The following BCAS1 variants were observed in gnomAD, a reference collection of about 807,000 sequenced individuals.
BCAS1 encodes breast carcinoma-amplified sequence 1.
Under a neutral mutation model 65.4 loss-of-function variants are expected in BCAS1, and 46 were observed. That is an observed-to-expected ratio of 0.70 (90% CI 0.55 to 0.90). The LOEUF is 0.90. Ranked by LOEUF, BCAS1 falls within the 40% of genes least tolerant of loss-of-function variation. The pLI is 0.00. For missense variants in BCAS1, 793 were observed against 771.2 expected (o/e 1.03, Z -0.33); for synonymous variants, 298 against 293.5 (o/e 1.02, Z -0.16).
At chr20:54,001,132 G>C (rs554307172) in intron 4 of BCAS1, among the ~76,000 whole-genome samples, 1 of 152,234 alleles carries the variant, frequency 6.6e-6, no homozygotes, top group East Asian at 1.9e-4. Context: ...AAATCAGTTT[G>C]ATCCTTTTAG....
Position 54,012,701 on chromosome 20 carries a change from T to C in BCAS1, c.723+15691A>G, listed in dbSNP as rs1801665519. ...ACCGTAAAAATGATCAGCCTTTATG[T>C]GTCAGGCCCAGTGCTAAGCTTGTTA... On this transcript the variant is annotated intron_variant, in intron 4 of 12. Transcript: ENST00000688948. 2.0e-5 allele frequency among the ~76,000 whole-genome samples: 3 copies of C among 152,236 alleles called. No homozygotes were observed. The South Asian group carries it at 6.2e-4, about 32-fold the overall frequency.
At position 53,985,330 on chromosome 20, in the gene BCAS1, G is replaced by C; in HGVS notation, c.1232C>G (p.Ser411Ter). 6.2e-7 allele frequency: 1 copy of C among 1,613,974 alleles called. No homozygotes were observed. Among genetic ancestry groups the C allele is most frequent in the Non-Finnish European group, 8.5e-7 (1 of 1,179,960 alleles). The change falls in exon 8 of 13, where the codon TCA (serine) becomes TGA (stop). Residue 411 changes from serine to a stop codon, truncating the protein, a stop_gained. Coordinates refer to ENST00000688948, the MANE Select transcript of BCAS1 (RefSeq NM_001366298.2). LOFTEE classifies it high-confidence loss of function. ...GCCCAGAGGCAGAGAGGTGGGTCCT[G>C]ATTTCTCCTTGGTGCCTTCCTTCGC... is the stretch of plus-strand genomic sequence containing the variant. ...EPAKEGTKEK[S>*]GPTSLPLGKL...
chr20:53,960,689 TTTCCTTCCTTCC>T (rs901010537), intron 10 of BCAS1, among the ~76,000 whole-genome samples: 1 of 151,810 alleles, frequency 6.6e-6, no homozygotes, highest in Non-Finnish European at 1.5e-5. Flanking sequence ...TCCTTCCTTC[TTTCCTTCCTTCC>T]TTCCTCTCGT....
At chr20:54,067,290 C>T (rs965597609) in intron 1 of BCAS1, among the ~76,000 whole-genome samples, 10 of 152,242 alleles carry the variant, frequency 6.6e-5, no homozygotes, top group Admixed American at 4.6e-4. Context: ...GCAGGAGAAT[C>T]GCTTGAACCC....
intron 3 of BCAS1, 62 bp from the exon 4 acceptor site, chr20:54,029,034 T>C: frequency 6.6e-7 from 1 of 1,525,462 alleles, no homozygotes; most frequent in Non-Finnish European, 8.8e-7. Context: ...GCACTAATAA[T>C]GGACTCCAGA....
At position 54,067,196 on chromosome 20, in the gene BCAS1, G is replaced by A. The variant is rs552619063; in HGVS notation, c.-6+3237C>T. ...TTGAGACCATCCTGGCCAACATGGC[G>A]CAACCCTGTCTCTACTAAAAATACA... On this transcript the variant is annotated intron_variant, in intron 1 of 12. Transcript: ENST00000688948. 5.3e-5 allele frequency among the ~76,000 whole-genome samples: 8 copies of A among 152,224 alleles called. No individual in the cohort carries two copies. In the South Asian group the frequency reaches 1.5e-3, roughly 28 times the overall value.
intron 4 of BCAS1, among the ~76,000 whole-genome samples, chr20:53,997,016 C>T (rs1292975741): frequency 6.6e-6 from 1 of 152,186 alleles, no homozygotes; most frequent in Non-Finnish European, 1.5e-5. Context: ...TAGGTAATTT[C>T]CATCCATCCT....
At chr20:54,034,250 C>G (rs2091856415) in intron 3 of BCAS1, among the ~76,000 whole-genome samples, 1 of 151,304 alleles carries the variant, frequency 6.6e-6, no homozygotes, top group African/African-American at 2.4e-5. Context: ...TCTCACCACT[C>G]CTATTCAACA....
chr20:54,025,970 G>A (rs1287868214), intron 4 of BCAS1, among the ~76,000 whole-genome samples: 1 of 152,170 alleles, frequency 6.6e-6, no homozygotes, highest in Non-Finnish European at 1.5e-5. Context: ...ATATCCATAA[G>A]TTCACAGGCT....
At chr20:54,062,256 G>C (rs1383425895) in intron 1 of BCAS1, among the ~76,000 whole-genome samples, 1 of 152,194 alleles carries the variant, frequency 6.6e-6, no homozygotes, top group Non-Finnish European at 1.5e-5. Flanking sequence ...AGAAATGATA[G>C]AGTAATAACA....
chr20:54,020,153 G>A (rs1356691471), intron 4 of BCAS1, among the ~76,000 whole-genome samples: 3 of 152,056 alleles, frequency 2.0e-5, no homozygotes, highest in African/African-American at 7.3e-5. Flanking sequence ...AAGTGTGTGG[G>A]CATCGGTGAC....
chr20:53,951,864 A>C (rs2089537561), intron 12 of BCAS1, among the ~76,000 whole-genome samples: 1 of 152,246 alleles, frequency 6.6e-6, no homozygotes, highest in Non-Finnish European at 1.5e-5. Context: ...CAGAAAGAAG[A>C]AGCTAATAAG....
At position 53,953,579 on chromosome 20, in the gene BCAS1, C is replaced by T; in HGVS notation, c.1668G>A (p.Lys556=). 6.2e-7 allele frequency: 1 copy of T among 1,613,896 alleles called. No homozygotes were observed. Among genetic ancestry groups the T allele is most frequent in the South Asian group, 1.1e-5 (1 of 91,056 alleles). Reference sequence around the variant, plus strand: ...TGGCTTCCTGCTTGTTGCTCTTCTGCTTGTTCATCTCGGCTGCTGACTTCT... The same window carrying T: ...TGGCTTCCTGCTTGTTGCTCTTCTGTTTGTTCATCTCGGCTGCTGACTTCT... ...KDKKSAAEMN[K]QKSNKQEAKE... is the part of the protein sequence containing the mutation. Residue 556 remains lysine (K), a synonymous_variant, in exon 12 of 13, where the codon AAG becomes AAA. Coordinates refer to ENST00000688948, the MANE Select transcript of BCAS1 (RefSeq NM_001366298.2).
chr20:53,961,547 G>C (rs1354545971), intron 10 of BCAS1, among the ~76,000 whole-genome samples: 1 of 152,230 alleles, frequency 6.6e-6, no homozygotes, highest in African/African-American at 2.4e-5. Context: ...CAAGCTTTAA[G>C]TAAGCCATAT....
At chr20:53,952,453 C>A (rs978555059) in intron 12 of BCAS1, among the ~76,000 whole-genome samples, 1 of 152,194 alleles carries the variant, frequency 6.6e-6, no homozygotes, top group African/African-American at 2.4e-5. Flanking sequence ...CATCTAGCAG[C>A]CATTGATTCT....
At chr20:54,068,009 A>G (rs290444) in intron 1 of BCAS1, among the ~76,000 whole-genome samples, 92,454 of 152,018 alleles carry the variant, frequency 0.61, 28,499 homozygotes, top group Middle Eastern at 0.68. Flanking sequence ...CTGCAGCTCC[A>G]TGTGTGTGCC....
At chr20:54,043,237 C>G (rs2092032282) in intron 3 of BCAS1, among the ~76,000 whole-genome samples, 1 of 152,152 alleles carries the variant, frequency 6.6e-6, no homozygotes, top group Admixed American at 6.5e-5. Flanking sequence ...CACAAATCTG[C>G]AAGCACAGCT....
At position 54,028,923 on chromosome 20, in the gene BCAS1, G is replaced by A. The variant is rs776645542; in HGVS notation, c.192C>T (p.Pro64=). ...CAACAGCACTTATCTCCGTTGTCTC[G>A]GGGGAAGAAGTGGCCACATTATCCG... ...VKTDNVATSS[P]ETTEISAVAD... Residue 64 remains proline, a synonymous_variant, in exon 4 of 13, where the codon CCC becomes CCT. Coordinates refer to ENST00000688948, the MANE Select transcript of BCAS1 (RefSeq NM_001366298.2). The A allele has an allele frequency of 5.6e-6, 9 of 1,613,730 alleles. No individual in the cohort carries two copies. Among genetic ancestry groups the A allele is most frequent in the Middle Eastern group, 1.6e-4 (1 of 6,080 alleles).
At chr20:53,969,591 T>C (rs1417608547) in intron 9 of BCAS1, among the ~76,000 whole-genome samples, 1 of 152,190 alleles carries the variant, frequency 6.6e-6, no homozygotes, top group Non-Finnish European at 1.5e-5. Context: ...ATGTATCTAA[T>C]AGTGGCTTAA....
Sources: allele counts gnomAD v4.1 joint callset (sites outside exome capture counted in the v4.1 genomes callset), GRCh38; gene constraint gnomAD v4.1.1; transcripts MANE v1.5; gene names NCBI Gene and HGNC (gene_info 2026-07-23, HGNC 2026-07-21).